MCTP1: variants seen among roughly 807,000 people sequenced by gnomAD.
The protein encoded by MCTP1 is multiple C2 and transmembrane domain-containing protein 1.
A neutral mutation model predicts 120.6 loss-of-function variants in MCTP1; 69 were observed. That is an observed-to-expected ratio of 0.57 (90% confidence interval 0.47 to 0.70). MCTP1 has a LOEUF of 0.70. Among genes scored for constraint, MCTP1 ranks in the 30% least tolerant of loss-of-function variants. The probability of loss-of-function intolerance (pLI) is 0.00; values close to 1 mark genes in which losing one functional copy is unlikely to be tolerated. For missense variants in MCTP1, 1,203 were observed against 1,248.8 expected (o/e 0.96, Z 0.55); for synonymous variants, 529 against 493.1 (o/e 1.07, Z -0.96).
intron 7 of MCTP1, among the ~76,000 whole-genome samples, chr5:94,919,733 C>G (rs1811062837): frequency 6.6e-6 from 1 of 152,058 alleles, no homozygotes; most frequent in Admixed American, 6.5e-5. Context: ...TAGCTCAATC[C>G]CAGGCAAAGG....
intron 2 of MCTP1, among the ~76,000 whole-genome samples, chr5:94,959,514 G>A (rs1823586888): frequency 6.6e-6 from 1 of 152,194 alleles, no homozygotes; most frequent in South Asian, 2.1e-4. Flanking sequence ...TGCATATTTA[G>A]AAAACCCCGT....
chr5:94,872,692 A>G (rs762619564), intron 13 of MCTP1, among the ~76,000 whole-genome samples: 2 of 152,114 alleles, frequency 1.3e-5, no homozygotes, highest in Non-Finnish European at 2.9e-5. Context: ...ACAATACTTA[A>G]TATTCTCATT....
chr5:95,061,090 A>G (rs10068960), intron 1 of MCTP1, among the ~76,000 whole-genome samples: 102,663 of 149,190 alleles, frequency 0.69, 39,681 homozygotes, highest in Non-Finnish European at 0.86. Flanking sequence ...GCATCTGGCA[A>G]TGCCCTGTGG....
intron 1 of MCTP1, among the ~76,000 whole-genome samples, chr5:95,167,145 G>A (rs1746510471): frequency 6.6e-6 from 1 of 152,056 alleles, no homozygotes; most frequent in South Asian, 2.1e-4. Flanking sequence ...TCCCACCTAT[G>A]AGCGAGAACA....
At chr5:94,995,626 A>G (rs1832481332) in intron 2 of MCTP1, among the ~76,000 whole-genome samples, 1 of 152,194 alleles carries the variant, frequency 6.6e-6, no homozygotes, top group Admixed American at 6.5e-5. Flanking sequence ...TTATCCCTAA[A>G]CAATGTTAAG....
intron 3 of MCTP1, among the ~76,000 whole-genome samples, chr5:94,943,287 G>T (rs921562074): frequency 2.6e-5 from 4 of 152,032 alleles, no homozygotes; most frequent in African/African-American, 9.7e-5. Flanking sequence ...GAAGGAGTAC[G>T]CATGCTAGCA....
At chr5:95,206,246 C>T (rs1022576422) in intron 1 of MCTP1, among the ~76,000 whole-genome samples, 2 of 152,130 alleles carry the variant, frequency 1.3e-5, no homozygotes, top group Non-Finnish European at 2.9e-5. Flanking sequence ...CTGAAAACAT[C>T]ATGCTAAGTC....
At chr5:95,097,121 TAAG>T (rs1756330923) in intron 1 of MCTP1, among the ~76,000 whole-genome samples, 1 of 152,100 alleles carries the variant, frequency 6.6e-6, no homozygotes, top group African/African-American at 2.4e-5. Context: ...AAAATATAGA[TAAG>T]AAAATAAATA....
At chr5:95,060,742 T>G (rs1361537703) in intron 1 of MCTP1, among the ~76,000 whole-genome samples, 1 of 151,924 alleles carries the variant, frequency 6.6e-6, no homozygotes, top group African/African-American at 2.4e-5. Context: ...GAGGCTGAGG[T>G]GGGTGGATCA....
chr5:94,803,318 T>C (rs1781584080), intron 17 of MCTP1, among the ~76,000 whole-genome samples: 1 of 152,194 alleles, frequency 6.6e-6, no homozygotes, highest in Non-Finnish European at 1.5e-5. Flanking sequence ...TTATCCTGCA[T>C]GTTAGAAGCT....
chr5:95,262,697 G>A (rs1308355403), intron 1 of MCTP1, among the ~76,000 whole-genome samples: 1 of 152,044 alleles, frequency 6.6e-6, no homozygotes, highest in Non-Finnish European at 1.5e-5. Flanking sequence ...TTACAAAGTA[G>A]CTTAATTTAA....
intron 17 of MCTP1, among the ~76,000 whole-genome samples, chr5:94,816,284 A>G (rs1202551246): frequency 6.6e-6 from 1 of 152,134 alleles, no homozygotes; most frequent in Non-Finnish European, 1.5e-5. Context: ...CTGTACTTTT[A>G]TTCATCCCAT....
chr5:95,009,166 G>A (rs1339281090), intron 2 of MCTP1, among the ~76,000 whole-genome samples: 1 of 151,854 alleles, frequency 6.6e-6, no homozygotes, highest in Non-Finnish European at 1.5e-5. Flanking sequence ...CCTGGTTTGA[G>A]ATAATAACTG....
chr5:95,204,031 A>C (rs1161701289), intron 1 of MCTP1, among the ~76,000 whole-genome samples: 1 of 152,160 alleles, frequency 6.6e-6, no homozygotes, highest in Non-Finnish European at 1.5e-5. Context: ...AAATTCACTG[A>C]GTTTTTGTGC....
chr5:95,145,408 T>C (rs1297206196), intron 1 of MCTP1, among the ~76,000 whole-genome samples: 1 of 152,188 alleles, frequency 6.6e-6, no homozygotes, highest in East Asian at 1.9e-4. Context: ...CTGATTGCAC[T>C]GGCCAGGACT....
intron 1 of MCTP1, among the ~76,000 whole-genome samples, chr5:95,062,932 C>T (rs1419346686): frequency 2.0e-5 from 3 of 152,040 alleles, no homozygotes; most frequent in African/African-American, 4.8e-5. Flanking sequence ...GATCCTCCTA[C>T]CTCAGCCACC....
chr5:95,174,147 A>G (rs1297178591), intron 1 of MCTP1, among the ~76,000 whole-genome samples: 1 of 152,080 alleles, frequency 6.6e-6, no homozygotes, highest in Non-Finnish European at 1.5e-5. Flanking sequence ...GAGGGGCATG[A>G]TAACTATTTG....
At chr5:94,961,934 T>C (rs565029389) in intron 2 of MCTP1, among the ~76,000 whole-genome samples, 5 of 152,310 alleles carry the variant, frequency 3.3e-5, no homozygotes. Flanking sequence ...TTGTAGATTC[T>C]GGATATTAGT....
chr5:94,846,407 A>T (rs1290926416), intron 17 of MCTP1, among the ~76,000 whole-genome samples: 2 of 152,190 alleles, frequency 1.3e-5, no homozygotes, highest in African/African-American at 4.8e-5. Context: ...GAAACAAAAA[A>T]AACAAGCACC....
Sources: allele counts gnomAD v4.1 joint callset (sites outside exome capture counted in the v4.1 genomes callset), GRCh38; gene constraint gnomAD v4.1.1; transcripts MANE v1.5; gene names NCBI Gene and HGNC (gene_info 2026-07-23, HGNC 2026-07-21).